Variants in INPP4B observed in about 807,000 individuals in gnomAD.
INPP4B encodes inositol polyphosphate 4-phosphatase type II.
In INPP4B, 55 loss-of-function variants were observed where a neutral mutation model predicts 122.5. That is an observed-to-expected ratio of 0.45 (90% CI 0.36 to 0.56). The LOEUF (loss-of-function observed/expected upper bound fraction) is 0.56. Among genes scored for constraint, INPP4B ranks in the 20% least tolerant of loss-of-function variants. INPP4B has a pLI of 0.00. For synonymous variants in INPP4B, 403 were observed against 388.7 expected, an observed-to-expected ratio of 1.04 and a Z score of -0.43; for missense variants, 1,000 against 1,097.7, an observed-to-expected ratio of 0.91 and a Z score of 1.26.
At chr4:142,791,042 T>G (rs757363340) in intron 1 of INPP4B, among the ~76,000 whole-genome samples, 1 of 152,144 alleles carries the variant, frequency 6.6e-6, no homozygotes, top group Non-Finnish European at 1.5e-5. Context: ...AACATAACTA[T>G]TTGGTGAAAC....
At chr4:142,319,527 T>C (rs1439434941) in intron 7 of INPP4B, among the ~76,000 whole-genome samples, 1 of 152,226 alleles carries the variant, frequency 6.6e-6, no homozygotes, top group Non-Finnish European at 1.5e-5. Flanking sequence ...ATGAATTTTC[T>C]GGAAGGAAGC....
At chr4:142,033,349 G>A (rs1208778824) in intron 25 of INPP4B, among the ~76,000 whole-genome samples, 1 of 152,134 alleles carries the variant, frequency 6.6e-6, no homozygotes, top group Non-Finnish European at 1.5e-5. Flanking sequence ...TGGACCATGG[G>A]CCAGTGGTCA....
At chr4:142,320,529 G>A (rs969710538) in intron 7 of INPP4B, among the ~76,000 whole-genome samples, 1 of 152,154 alleles carries the variant, frequency 6.6e-6, no homozygotes, top group Non-Finnish European at 1.5e-5. Flanking sequence ...GGTTTTGGAA[G>A]AACATGTGGT....
chr4:142,208,579 T>A lies in INPP4B; in HGVS notation c.968-50A>T, dbSNP rs1288271631. ...TTATTAGTAAATAATGATAAATTAA[T>A]ATGTGTGTTAAAAGATAAATTTGAC... On this transcript the variant is annotated intron_variant, in intron 13 of 25. Coordinates refer to ENST00000262992, the MANE Select transcript of INPP4B (RefSeq NM_001101669.3). The A allele has an allele frequency of 1.2e-5, 12 of 991,078 alleles. No homozygotes were observed. In the East Asian group the frequency reaches 2.1e-4, roughly 18 times the overall value. 61.4% of individuals were successfully genotyped at this position (991,078 alleles called of 1,614,324 possible).
chr4:142,189,785 G>A (rs1392270167), intron 15 of INPP4B, among the ~76,000 whole-genome samples: 1 of 152,198 alleles, frequency 6.6e-6, no homozygotes, highest in Non-Finnish European at 1.5e-5. Context: ...AGTGGGTGAT[G>A]AGGGTAGACA....
intron 25 of INPP4B, among the ~76,000 whole-genome samples, chr4:142,056,936 C>G (rs1481909495): frequency 1.3e-5 from 2 of 152,104 alleles, no homozygotes; most frequent in African/African-American, 4.8e-5. Context: ...TACCTTGTCT[C>G]TTGTCCTGGT....
At chr4:142,107,318 T>C (rs1360265282) in intron 23 of INPP4B, among the ~76,000 whole-genome samples, 1 of 152,166 alleles carries the variant, frequency 6.6e-6, no homozygotes, top group African/African-American at 2.4e-5. Flanking sequence ...ACAGAACAAA[T>C]AGTAACGAGT....
chr4:142,110,750 AGAAG>A (rs1358666166), intron 22 of INPP4B, among the ~76,000 whole-genome samples: 1 of 152,154 alleles, frequency 6.6e-6, no homozygotes, highest in East Asian at 1.9e-4. Context: ...AAGAGAGATG[AGAAG>A]GAAGGAAAGG....
chr4:142,684,596 A>G (rs1218077991), intron 2 of INPP4B, among the ~76,000 whole-genome samples: 1 of 152,044 alleles, frequency 6.6e-6, no homozygotes, highest in Non-Finnish European at 1.5e-5. Context: ...CTGAGAATTT[A>G]GGACGGTGAA....
chr4:142,261,380 T>A (rs1359070541), intron 10 of INPP4B, among the ~76,000 whole-genome samples: 1 of 152,190 alleles, frequency 6.6e-6, no homozygotes, highest in Non-Finnish European at 1.5e-5. Flanking sequence ...TTTCCTTTTA[T>A]CTTTAGAAAA....
chr4:142,690,459 G>A (rs890765553), intron 2 of INPP4B, among the ~76,000 whole-genome samples: 1 of 152,100 alleles, frequency 6.6e-6, no homozygotes, highest in Non-Finnish European at 1.5e-5. Context: ...CTCTTCAGTG[G>A]TTTTATTTGC....
At chr4:142,672,267 T>TG (rs1368029535) in intron 2 of INPP4B, among the ~76,000 whole-genome samples, 38 of 152,274 alleles carry the variant, frequency 2.5e-4, no homozygotes, top group African/African-American at 8.7e-4. Context: ...GGAGAGAGAT[T>TG]GGTGGGTCAT....
intron 5 of INPP4B, among the ~76,000 whole-genome samples, chr4:142,428,108 C>T (rs1324644935): frequency 6.6e-6 from 1 of 151,354 alleles, no homozygotes; most frequent in African/African-American, 2.4e-5. Flanking sequence ...AAATGAATTA[C>T]ATACCAATTA....
At position 142,592,260 on chromosome 4, in the gene INPP4B, T is replaced by C. The variant is rs17016465; in HGVS notation, c.-190-129534A>G. On this transcript the variant is annotated intron_variant, in intron 2 of 25. Coordinates refer to ENST00000262992, the MANE Select transcript of INPP4B (RefSeq NM_001101669.3). The stretch of plus-strand genomic sequence containing the variant: ...ATGTAGGTGTGTAAACCAACCATTC[T>C]TTAGAACTCCAATATACAATTGCTT... Among the ~76,000 whole-genome samples the C allele has an allele frequency of 3.6e-3, 551 of 152,350 alleles. 7 individuals are homozygous for C. Among genetic ancestry groups the C allele is most frequent in the East Asian group, 0.018 (95 of 5,188 alleles).
intron 1 of INPP4B, among the ~76,000 whole-genome samples, chr4:142,736,570 G>A (rs1054766927): frequency 6.6e-6 from 1 of 152,016 alleles, no homozygotes; most frequent in Non-Finnish European, 1.5e-5. Context: ...ATTGTGAATG[G>A]GAGTTCACTC....
chr4:142,693,570 G>GTGTCTGC (rs1348435623), intron 2 of INPP4B, among the ~76,000 whole-genome samples: 1 of 136,366 alleles, frequency 7.3e-6, no homozygotes, highest in Non-Finnish European at 1.5e-5. Context: ...ATTTGTAAGG[G>GTGTCTGC]TGTCTGCTTG....
chr4:142,331,636 C>T (rs919544412), intron 7 of INPP4B, among the ~76,000 whole-genome samples: 6 of 152,128 alleles, frequency 3.9e-5, no homozygotes, highest in Admixed American at 3.9e-4. Context: ...ACTATCTATT[C>T]GATCAGATTC....
intron 2 of INPP4B, among the ~76,000 whole-genome samples, chr4:142,624,892 C>T (rs561276151): frequency 0.013 from 1,913 of 152,192 alleles, 15 homozygotes; most frequent in Non-Finnish European, 0.019. Context: ...ACATGATTAT[C>T]TCAATAGATG....
intron 1 of INPP4B, among the ~76,000 whole-genome samples, chr4:142,837,366 A>T (rs554210084): frequency 3.9e-5 from 6 of 152,260 alleles, no homozygotes; most frequent in Admixed American, 3.9e-4. Context: ...TGTTACATGG[A>T]TATATTGCAT....
Sources: allele counts gnomAD v4.1 joint callset (sites outside exome capture counted in the v4.1 genomes callset), GRCh38; gene constraint gnomAD v4.1.1; transcripts MANE v1.5; gene names NCBI Gene and HGNC (gene_info 2026-07-23, HGNC 2026-07-21).